STXBP5L: variants seen among roughly 807,000 people sequenced by gnomAD.
STXBP5L encodes the protein syntaxin-binding protein 5-like.
Under a neutral mutation model 144.5 loss-of-function variants are expected in STXBP5L, and 65 were observed. The observed-to-expected ratio is 0.45, with a 90% CI of 0.37 to 0.55. STXBP5L has a LOEUF of 0.55. STXBP5L is among the 20% of genes least tolerant of loss of function. The pLI, the probability that STXBP5L is intolerant of heterozygous loss-of-function variation, is 0.00. For synonymous variants in STXBP5L, 505 were observed against 469.6 expected (o/e 1.08, Z -0.97); for missense variants, 1,298 against 1,405.5 (o/e 0.92, Z 1.22).
chr3:121,126,821 C>G (rs984524508), intron 7 of STXBP5L, among the ~76,000 whole-genome samples: 2 of 152,146 alleles, frequency 1.3e-5, no homozygotes. Context: ...TTTAGTAATT[C>G]TAGAAGATAA....
At chr3:120,988,781 C>A (rs1942549610) in intron 3 of STXBP5L, among the ~76,000 whole-genome samples, 1 of 152,008 alleles carries the variant, frequency 6.6e-6, no homozygotes, top group East Asian at 1.9e-4. Flanking sequence ...GTCCATTGTA[C>A]CCACAAGGTC....
chr3:121,246,314 G>A (rs576899614), intron 14 of STXBP5L, among the ~76,000 whole-genome samples: 35 of 152,256 alleles, frequency 2.3e-4, no homozygotes, highest in Non-Finnish European at 4.6e-4. Flanking sequence ...CTCACCACCC[G>A]CATCTGTGGA....
intron 8 of STXBP5L, among the ~76,000 whole-genome samples, chr3:121,155,649 G>A (rs1207000133): frequency 6.6e-6 from 1 of 151,528 alleles, no homozygotes. Flanking sequence ...TTTGAGAAAA[G>A]AGAGGGGTAG....
Position 121,393,934 on chromosome 3 carries a change from T to C in STXBP5L, c.2587+12402T>C, listed in dbSNP as rs140192600. Among the ~76,000 whole-genome samples the C allele has an allele frequency of 2.9e-3, 438 of 152,310 alleles. 2 individuals are homozygous for C. Among genetic ancestry groups the C allele is most frequent in the Non-Finnish European group, 1.2e-3 (85 of 68,018 alleles). ...AGACTGTTTTGGTTCCATATGAATT[T>C]TAGAATTATTTTTTCTACTTCTGTG... On this transcript the variant is annotated intron_variant, in intron 22 of 26. Coordinates refer to ENST00000471454, the MANE Select transcript of STXBP5L (RefSeq NM_001308330.2).
At chr3:121,279,725 A>C in intron 18 of STXBP5L, 80 bp from the exon 19 acceptor site, 1 of 1,546,738 alleles carries the variant, frequency 6.5e-7, no homozygotes, top group Non-Finnish European at 8.8e-7. Context: ...TTACTTTTCA[A>C]TAATCCTATG....
chr3:121,404,571 C>T (rs1189202042), intron 22 of STXBP5L, among the ~76,000 whole-genome samples: 1 of 152,094 alleles, frequency 6.6e-6, no homozygotes, highest in African/African-American at 2.4e-5. Context: ...CATGATGTGG[C>T]TCTACTTTAT....
chr3:121,161,301 G>A (rs896849214), intron 9 of STXBP5L, among the ~76,000 whole-genome samples: 14 of 150,190 alleles, frequency 9.3e-5, no homozygotes, highest in Admixed American at 8.0e-4. Flanking sequence ...TTCCTGAAGT[G>A]ACACTTTGTG....
At chr3:121,073,457 G>A (rs907411833) in intron 5 of STXBP5L, among the ~76,000 whole-genome samples, 3 of 152,334 alleles carry the variant, frequency 2.0e-5, no homozygotes, top group South Asian at 2.1e-4. Context: ...GGCAGTGGCT[G>A]CCAATGCCTT....
intron 20 of STXBP5L, among the ~76,000 whole-genome samples, chr3:121,365,844 T>C (rs1292188397): frequency 6.6e-6 from 1 of 151,826 alleles, no homozygotes; most frequent in East Asian, 1.9e-4. Flanking sequence ...TTTCTTGAGT[T>C]GTAAAGTTAG....
intron 3 of STXBP5L, among the ~76,000 whole-genome samples, chr3:120,989,361 A>C (rs144345111): frequency 3.3e-5 from 5 of 152,160 alleles, no homozygotes; most frequent in East Asian, 1.9e-4. Flanking sequence ...GCTGTGGTTT[A>C]ATTTGTATTA....
chr3:121,288,310 G>T lies in STXBP5L; in HGVS notation c.2110+8354G>T, dbSNP rs114379583. Among the ~76,000 whole-genome samples the T allele has an allele frequency of 9.6e-3, 1,461 of 152,306 alleles. 11 individuals are homozygous for T. The highest frequency in any genetic ancestry group is 0.013 in the Non-Finnish European group (914 of 68,022). On this transcript the variant is annotated intron_variant, in intron 19 of 26. Coordinates refer to ENST00000471454, the MANE Select transcript of STXBP5L (RefSeq NM_001308330.2). Reference sequence around the variant, plus strand: ...TGCTGCAGTAAACATACGCATGCATGTGTTTTTATGGTAAACCACAAGTTA... The same window carrying T: ...TGCTGCAGTAAACATACGCATGCATTTGTTTTTATGGTAAACCACAAGTTA...
At chr3:121,117,525 T>C (rs1012269396) in intron 6 of STXBP5L, among the ~76,000 whole-genome samples, 2 of 151,808 alleles carry the variant, frequency 1.3e-5, no homozygotes, top group African/African-American at 2.4e-5. Flanking sequence ...GTATGTAACT[T>C]CCTGTTAATA....
At chr3:121,180,580 C>T (rs961718682) in intron 9 of STXBP5L, among the ~76,000 whole-genome samples, 9 of 152,120 alleles carry the variant, frequency 5.9e-5, no homozygotes, top group African/African-American at 1.9e-4. Flanking sequence ...ATGAATAGAA[C>T]AGTACCTCAC....
chr3:121,303,815 G>T (rs943550101), intron 19 of STXBP5L, among the ~76,000 whole-genome samples: 4 of 152,012 alleles, frequency 2.6e-5, no homozygotes, highest in African/African-American at 9.7e-5. Flanking sequence ...ACTCATAGGT[G>T]GGAATTGAAA....
intron 3 of STXBP5L, among the ~76,000 whole-genome samples, chr3:120,968,492 A>C (rs977973551): frequency 1.3e-5 from 2 of 152,082 alleles, no homozygotes; most frequent in African/African-American, 4.8e-5. Context: ...GTGCATGTCT[A>C]TACTGGTAAA....
intron 20 of STXBP5L, among the ~76,000 whole-genome samples, chr3:121,341,236 T>A (rs886406074): frequency 3.9e-5 from 6 of 152,120 alleles, no homozygotes; most frequent in Non-Finnish European, 8.8e-5. Context: ...AGACATATTT[T>A]GACTGGAAAA....
intron 19 of STXBP5L, among the ~76,000 whole-genome samples, chr3:121,295,457 T>G (rs549751152): frequency 5.9e-5 from 9 of 152,314 alleles, no homozygotes; most frequent in African/African-American, 1.9e-4. Flanking sequence ...AGTGTAAATT[T>G]CTTACTACAA....
In STXBP5L at chr3:121,424,163, C is replaced by T. The variant is rs928678454; in HGVS notation, c.*5066C>T. ...CTGGAGGAGACATGGGTACCAGGTA[C>T]CTGTTCTGCTGTAGGTATATTTCAC... On this transcript the variant is annotated 3_prime_UTR_variant, in exon 27 of 27. Transcript: ENST00000471454. 1.3e-5 allele frequency: 2 copies of T among 152,084 alleles called. No individual in the cohort carries two copies. The highest frequency in any genetic ancestry group is 4.8e-5 in the African/African-American group (2 of 41,408). The allele number at this position is 152,084 out of a possible 1,614,324, so 9.4% of individuals were successfully genotyped here. A position where few individuals can be genotyped will look rare whatever the true frequency, so the allele number is the denominator to read the frequency against.
At chr3:120,934,724 C>T (rs1377085450) in intron 2 of STXBP5L, among the ~76,000 whole-genome samples, 1 of 151,982 alleles carries the variant, frequency 6.6e-6, no homozygotes, top group Admixed American at 6.6e-5. Context: ...GAAGAATTAG[C>T]CCCTTTATCA....
Sources: gnomAD v4.1 joint callset for allele counts (sites outside exome capture counted in the v4.1 genomes callset) on GRCh38, gnomAD v4.1.1 for gene constraint, MANE v1.5 for transcripts, NCBI Gene and HGNC (gene_info 2026-07-23, HGNC 2026-07-21) for gene names.